TANC1: variants seen among roughly 807,000 people sequenced by gnomAD.
TANC1 encodes tetratricopeptide repeat, ankyrin repeat and coiled-coil containing 1.
In TANC1, 77 loss-of-function variants were observed where a neutral mutation model predicts 149.7. The observed-to-expected ratio is 0.51, with a 90% CI of 0.43 to 0.62. The LOEUF (loss-of-function observed/expected upper bound fraction) is 0.62, where lower values mean the gene tolerates loss of function less well. TANC1 is among the 20% of genes least tolerant of loss of function. TANC1 has a pLI of 0.00. For missense variants in TANC1, 1,985 were observed against 2,321.8 expected, an observed-to-expected ratio of 0.85 and a Z score of 2.98; for synonymous variants, 854 against 925.0, an observed-to-expected ratio of 0.92 and a Z score of 1.39.
chr2:159,059,504 T>TA (rs1215884513), intron 2 of TANC1, among the ~76,000 whole-genome samples: 6 of 141,020 alleles, frequency 4.3e-5, no homozygotes, highest in African/African-American at 1.0e-4. Context: ...AAGACTCTCT[T>TA]AAAAAAAACC....
At chr2:159,161,937 C>T (rs1432338677) in intron 7 of TANC1, among the ~76,000 whole-genome samples, 5 of 152,144 alleles carry the variant, frequency 3.3e-5, no homozygotes, top group Non-Finnish European at 5.9e-5. Context: ...CTGTGCTGTG[C>T]TATTCAGAAA....
At chr2:158,989,603 C>T (rs1392404099) in intron 1 of TANC1, among the ~76,000 whole-genome samples, 1 of 132,496 alleles carries the variant, frequency 7.5e-6, no homozygotes, top group East Asian at 2.2e-4. Flanking sequence ...GAGCAAGACT[C>T]AGTCTCAAAA....
intron 3 of TANC1, among the ~76,000 whole-genome samples, chr2:159,069,978 C>A (rs1441227317): frequency 1.3e-5 from 2 of 151,638 alleles, no homozygotes; most frequent in Non-Finnish European, 2.9e-5. Context: ...ATGGGGTTTC[C>A]GCCATGTTGC....
At chr2:159,186,795 C>G in intron 15 of TANC1, 107 bp from the exon 16 acceptor site, 1 of 1,445,612 alleles carries the variant, frequency 6.9e-7, no homozygotes, top group East Asian at 2.3e-5. Flanking sequence ...CAGGTATCTG[C>G]ACCCTCTGCG....
At chr2:159,058,530 C>G (rs1252856437) in intron 2 of TANC1, among the ~76,000 whole-genome samples, 4 of 152,262 alleles carry the variant, frequency 2.6e-5, no homozygotes, top group Admixed American at 1.3e-4. Context: ...TGGAGTTCAA[C>G]ATTTTTCACC....
intron 8 of TANC1, among the ~76,000 whole-genome samples, chr2:159,165,893 G>A (rs1341530295): frequency 2.6e-5 from 4 of 152,200 alleles, no homozygotes; most frequent in African/African-American, 9.7e-5. Flanking sequence ...TTCTTCCTAA[G>A]GTCCTTTATT....
At chr2:159,168,385 T>C (rs1054554093) in intron 8 of TANC1, among the ~76,000 whole-genome samples, 14 of 150,386 alleles carry the variant, frequency 9.3e-5, no homozygotes, top group African/African-American at 2.9e-4. Flanking sequence ...CTGCAACCTC[T>C]GCCTCCCAGG....
chr2:159,169,994 A>G, intron 9 of TANC1, among the ~76,000 whole-genome samples: 1 of 151,782 alleles, frequency 6.6e-6, no homozygotes, highest in East Asian at 1.9e-4. Flanking sequence ...ACTATCTCAA[A>G]AAAAAAAAAA....
chr2:159,083,200 C>T (rs1389739252), intron 3 of TANC1, among the ~76,000 whole-genome samples: 3 of 151,988 alleles, frequency 2.0e-5, no homozygotes, highest in African/African-American at 4.8e-5. Flanking sequence ...AGTGATCTGC[C>T]GGCCTTGGCC....
At chr2:159,011,061 C>T (rs1169922328) in intron 2 of TANC1, among the ~76,000 whole-genome samples, 1 of 152,090 alleles carries the variant, frequency 6.6e-6, no homozygotes, top group Non-Finnish European at 1.5e-5. Context: ...CTGCATTATT[C>T]ATTCACTCTA....
intron 19 of TANC1, 71 bp downstream of exon 19, chr2:159,199,124 G>T: frequency 1.7e-6 from 2 of 1,182,658 alleles, no homozygotes; most frequent in Non-Finnish European, 2.5e-6. Flanking sequence ...TGGCCTAATT[G>T]TCTTAAGAAT....
chr2:159,119,862 C>T (rs1559295835), intron 4 of TANC1, among the ~76,000 whole-genome samples: 2 of 152,134 alleles, frequency 1.3e-5, no homozygotes, highest in South Asian at 2.1e-4. Context: ...TTTGCTGCTG[C>T]GCTTGATGTT....
chr2:159,046,541 A>G (rs891783944), intron 2 of TANC1, among the ~76,000 whole-genome samples: 1 of 141,546 alleles, frequency 7.1e-6, no homozygotes, highest in Admixed American at 7.1e-5. Flanking sequence ...ATTCCTCATC[A>G]AAGCTGTCTC....
At position 159,172,272 on chromosome 2, in the gene TANC1, G is replaced by C; in HGVS notation, c.1503G>C (p.Lys501Asn). The C allele has an allele frequency of 6.2e-7, 1 of 1,613,358 alleles. No homozygotes were observed. Among genetic ancestry groups the C allele is most frequent in the Non-Finnish European group, 8.5e-7 (1 of 1,179,646 alleles). The change falls in exon 11 of 27, where the codon AAG becomes AAC. Residue 501 changes from lysine (K) to asparagine (N), a missense_variant and splice_region_variant. Transcript: ENST00000263635. ...REDAVKYLAS[K>N]VVAYHYCQAD... ...ATGCAGTGAAATATCTTGCTTCTAA[G>C]GTAATCTTTCTTGTTTTATTGGAGC... is the stretch of plus-strand genomic sequence containing the variant.
chr2:159,111,648 C>T (rs1002729589), intron 4 of TANC1, among the ~76,000 whole-genome samples: 10 of 152,282 alleles, frequency 6.6e-5, no homozygotes, highest in Middle Eastern at 6.8e-3. Flanking sequence ...GGGGCTGAGA[C>T]GGGCTGAGGG....
In TANC1 at chr2:159,107,875, G is replaced by A. The variant is rs575192771; in HGVS notation, c.259+10041G>A. On this transcript the variant is annotated intron_variant, in intron 4 of 26. Transcript: ENST00000263635. The stretch of plus-strand genomic sequence containing the variant: ...TTTGCTCTGCATAACCCTTTATTTC[G>A]CGTCTCTGCCCTGACATTCTGTGAC... Among the ~76,000 whole-genome samples, 7 of 152,156 alleles carry A rather than the reference G, an allele frequency of 4.6e-5. No homozygotes were observed. The East Asian group carries it at 5.8e-4, about 13-fold the overall frequency.
chr2:159,136,053 C>CGTGCGCGT, intron 4 of TANC1, 141 bp from the exon 5 acceptor site: 1 of 321,578 alleles, frequency 3.1e-6, no homozygotes, highest in Non-Finnish European at 5.1e-6. Flanking sequence ...TGTGTGTGCG[C>CGTGCGCGT]GCGCGCGCGT....
intron 19 of TANC1, among the ~76,000 whole-genome samples, chr2:159,206,985 A>G (rs1483083204): frequency 6.6e-6 from 1 of 152,258 alleles, no homozygotes; most frequent in Non-Finnish European, 1.5e-5. Context: ...AGAAGAACAA[A>G]GTCTGTATGA....
chr2:158,989,609 CAAAAAAAA>C (rs35891573), intron 1 of TANC1, among the ~76,000 whole-genome samples: 1 of 87,586 alleles, frequency 1.1e-5, no homozygotes, highest in Non-Finnish European at 2.4e-5. Flanking sequence ...GACTCAGTCT[CAAAAAAAA>C]AAAAAAAAAA....
Sources: allele counts gnomAD v4.1 joint callset (sites outside exome capture counted in the v4.1 genomes callset), GRCh38; gene constraint gnomAD v4.1.1; transcripts MANE v1.5; gene names NCBI Gene and HGNC (gene_info 2026-07-23, HGNC 2026-07-21).